The following TENM3 variants were observed in gnomAD, a reference collection of about 807,000 sequenced individuals.
The protein encoded by TENM3 is teneurin transmembrane protein 3.
TENM3 carries 63 observed loss-of-function variants against 255.1 expected under a neutral mutation model. The ratio of observed to expected loss-of-function variants is 0.25; its 90% confidence interval spans 0.20 to 0.30. The LOEUF (loss-of-function observed/expected upper bound fraction) is 0.30, where lower values mean the gene tolerates loss of function less well. Among genes scored for constraint, TENM3 ranks in the 10% least tolerant of loss-of-function variants. The probability of loss-of-function intolerance (pLI) is 1.00; values close to 1 mark genes in which losing one functional copy is unlikely to be tolerated. For missense variants in TENM3, 2,929 were observed against 3,461.1 expected (o/e 0.85, Z 3.86); for synonymous variants, 1,306 against 1,322.3 (o/e 0.99, Z 0.27).
chr4:182,141,649 A>G (rs548315613), upstream of TENM3: 10 of 152,236 alleles, frequency 6.6e-5, no homozygotes, highest in African/African-American at 1.4e-4. Flanking sequence ...ATTTTTTTCT[A>G]TTTTGCAACC....
the TENM3 span, among the ~76,000 whole-genome samples, chr4:181,708,097 G>C: frequency 3.3e-5 from 5 of 152,060 alleles, no homozygotes; most frequent in African/African-American, 9.6e-5. Flanking sequence ...TATTAAAGTG[G>C]GTGAAAAACA....
At chr4:182,252,311 T>C (rs1758073572) in intron 1 of TENM3, among the ~76,000 whole-genome samples, 1 of 152,164 alleles carries the variant, frequency 6.6e-6, no homozygotes, top group Non-Finnish European at 1.5e-5. Context: ...CAAACAAATA[T>C]GGAGTGCAAA....
At chr4:181,892,872 G>T in the TENM3 span, among the ~76,000 whole-genome samples, 2 of 152,152 alleles carry the variant, frequency 1.3e-5, no homozygotes, top group Admixed American at 1.3e-4. Flanking sequence ...ATGAATATAT[G>T]AATTTCCTCT....
intron 3 of TENM3, among the ~76,000 whole-genome samples, chr4:182,376,295 G>A (rs1417802999): frequency 6.6e-6 from 1 of 152,124 alleles, no homozygotes; most frequent in East Asian, 1.9e-4. Context: ...AGTTGCTAAT[G>A]TAAGCCCATA....
the TENM3 span, among the ~76,000 whole-genome samples, chr4:181,506,041 T>C: frequency 6.6e-6 from 1 of 152,262 alleles, no homozygotes; most frequent in Non-Finnish European, 1.5e-5. Context: ...TTTTAGCCAG[T>C]TGGGTTGATC....
At chr4:182,226,666 C>A (rs1756175864) in intron 1 of TENM3, among the ~76,000 whole-genome samples, 1 of 152,142 alleles carries the variant, frequency 6.6e-6, no homozygotes, top group African/African-American at 2.4e-5. Flanking sequence ...CCTCCCTCCA[C>A]CTTGGACCCA....
At chr4:182,081,149 T>C in the TENM3 span, among the ~76,000 whole-genome samples, 1 of 152,204 alleles carries the variant, frequency 6.6e-6, no homozygotes, top group Non-Finnish European at 1.5e-5. Context: ...TGCTTACAAA[T>C]TGCTTAACAT....
chr4:182,108,289 A>G, the TENM3 span, among the ~76,000 whole-genome samples: 29 of 152,310 alleles, frequency 1.9e-4, no homozygotes, highest in Middle Eastern at 3.4e-3. Context: ...AGCTGTGGCA[A>G]TTCACATTTA....
At chr4:182,558,012 C>T (rs1011564018) in intron 3 of TENM3, among the ~76,000 whole-genome samples, 4 of 152,096 alleles carry the variant, frequency 2.6e-5, no homozygotes, top group Admixed American at 6.6e-5. Context: ...AGAACTTGCC[C>T]GATACCTTCT....
chr4:182,054,364 C>T, the TENM3 span, among the ~76,000 whole-genome samples: 1 of 152,262 alleles, frequency 6.6e-6, no homozygotes, highest in Admixed American at 6.5e-5. Flanking sequence ...CTCATGGTCA[C>T]CTGTAGAGAT....
intron 1 of TENM3, among the ~76,000 whole-genome samples, chr4:182,272,523 A>G (rs1759711108): frequency 6.6e-6 from 1 of 152,210 alleles, no homozygotes; most frequent in South Asian, 2.1e-4. Context: ...GAACTACGAC[A>G]CATACATAAG....
the TENM3 span, among the ~76,000 whole-genome samples, chr4:181,640,476 C>G: frequency 6.6e-6 from 1 of 152,174 alleles, no homozygotes; most frequent in Non-Finnish European, 1.5e-5. Context: ...TATTTACTTA[C>G]AAGCCATCCT....
At position 182,161,786 on chromosome 4, in the gene TENM3, A is replaced by ATATGTGTATATATACACAT. The variant is rs1561153366; in HGVS notation, c.-76+17032_-76+17033insTATGTGTATATATACACAT. 1.1e-4 allele frequency among the ~76,000 whole-genome samples: 2 copies of ATATGTGTATATATACACAT among 18,490 alleles called. 1 individual carries two copies. Among genetic ancestry groups the ATATGTGTATATATACACAT allele is most frequent in the African/African-American group, 3.5e-4 (2 of 5,778 alleles). The allele number at this position is 18,490 out of a possible 152,430, so 12.1% of individuals were successfully genotyped here. ...ATATATGTGTATATATATATACACA[A>ATATGTGTATATATACACAT]ATATATGTATATATATACACATATA... On this transcript the variant is annotated intron_variant, in intron 1 of 2. Coordinates refer to the TENM3 transcript ENST00000512480.
chr4:181,702,294 C>A, the TENM3 span, among the ~76,000 whole-genome samples: 2 of 152,156 alleles, frequency 1.3e-5, no homozygotes, highest in Non-Finnish European at 1.5e-5. Context: ...CAACTGCTTT[C>A]TTTGCTATTA....
chr4:181,654,231 A>G, the TENM3 span, among the ~76,000 whole-genome samples: 43 of 126,852 alleles, frequency 3.4e-4, no homozygotes, highest in Non-Finnish European at 6.0e-4. Context: ...TGCCTTCAGG[A>G]AAAAAAAAAA....
the TENM3 span, among the ~76,000 whole-genome samples, chr4:181,851,624 ACG>A: frequency 6.6e-6 from 1 of 152,016 alleles, no homozygotes; most frequent in East Asian, 1.9e-4. Flanking sequence ...ACGCACGCAC[ACG>A]CATGCACACA....
chr4:181,772,053 T>C, the TENM3 span, among the ~76,000 whole-genome samples: 1 of 152,142 alleles, frequency 6.6e-6, no homozygotes, highest in Admixed American at 6.6e-5. Flanking sequence ...TAACAGGTAT[T>C]ATGCAAAGAA....
the TENM3 span, among the ~76,000 whole-genome samples, chr4:181,605,552 A>AAG: frequency 4.6e-3 from 136 of 29,508 alleles, 15 homozygotes; most frequent in African/African-American, 0.011. Flanking sequence ...GAAAGAAAGA[A>AAG]AGAAAGAAAG....
chr4:182,003,587 A>C, the TENM3 span, among the ~76,000 whole-genome samples: 1 of 152,142 alleles, frequency 6.6e-6, no homozygotes, highest in African/African-American at 2.4e-5. Context: ...TGACTGTTAC[A>C]TGCAAAACGG....
Sources: allele counts gnomAD v4.1 joint callset (sites outside exome capture counted in the v4.1 genomes callset), GRCh38; gene constraint gnomAD v4.1.1; transcripts MANE v1.5; gene names NCBI Gene and HGNC (gene_info 2026-07-23, HGNC 2026-07-21).